Variants in LRRFIP2 observed in about 807,000 individuals in gnomAD.
LRRFIP2 encodes the protein leucine-rich repeat flightless-interacting protein 2.
A neutral mutation model predicts 125.9 loss-of-function variants in LRRFIP2; 109 were observed. That is an observed-to-expected ratio of 0.87 (90% CI 0.74 to 1.01). LRRFIP2 has a LOEUF of 1.01. Among genes scored for constraint, LRRFIP2 ranks in the 50% least tolerant of loss-of-function variants. LRRFIP2 has a pLI of 0.00. For synonymous variants in LRRFIP2, 291 were observed against 293.1 expected (o/e 0.99, Z 0.07); for missense variants, 850 against 862.3 (o/e 0.99, Z 0.18).
At chr3:37,152,828 A>G (rs566604162) in intron 1 of LRRFIP2, among the ~76,000 whole-genome samples, 1 of 152,366 alleles carries the variant, frequency 6.6e-6, no homozygotes, top group Non-Finnish European at 1.5e-5. Flanking sequence ...GTTCCTTTTC[A>G]GACTAGATTG....
Position 37,112,974 on chromosome 3 carries a change from A to G in LRRFIP2, c.379T>C (p.Ser127Pro). ...RSSRLSSLNH[S>P]YSHSHGMKKR... is the part of the protein sequence containing the mutation. ...TTCATTCCATGAGAGTGACTGTAAG[A>G]ATGATTCTGGAAGTAAATATTCCAA... The change falls in exon 8 of 28, where the codon TCT (serine) becomes CCT (proline). Residue 127 changes from serine to proline, a missense_variant. By Grantham distance (74) the Ser-to-Pro change is moderately conservative (BLOSUM62 -1). Transcript: ENST00000336686. 6.4e-7 allele frequency: 1 copy of G among 1,569,320 alleles called. No individual in the cohort carries two copies. Among genetic ancestry groups the G allele is most frequent in the Non-Finnish European group, 8.7e-7 (1 of 1,145,760 alleles).
Position 37,054,484 on chromosome 3 carries a change from T to C in LRRFIP2, c.1982A>G (p.Tyr661Cys). The change falls in exon 27 of 28, where the codon TAT becomes TGT. Residue 661 changes from tyrosine to cysteine, a missense_variant. Coordinates refer to ENST00000336686, the MANE Select transcript of LRRFIP2 (RefSeq NM_006309.4). ...ISRLEGQVLRYKTAAENAEKV... is the reference protein window; with the variant it reads ...ISRLEGQVLRCKTAAENAEKV... ...CTCAGCATTCTCAGCAGCAGTTTTA[T>C]ATCTCAGAACCTGTCCCTCAAGCCG... 1.2e-6 allele frequency: 2 copies of C among 1,614,090 alleles called. No individual in the cohort carries two copies. The highest frequency in any genetic ancestry group is 1.7e-6 in the Non-Finnish European group (2 of 1,179,974).
intron 9 of LRRFIP2, among the ~76,000 whole-genome samples, chr3:37,110,556 T>C (rs549679318): frequency 2.0e-5 from 3 of 152,340 alleles, no homozygotes; most frequent in South Asian, 2.1e-4. Flanking sequence ...CATTTTTATA[T>C]GTAAGCTTTT....
intron 3 of LRRFIP2, among the ~76,000 whole-genome samples, chr3:37,128,842 A>G (rs1056074055): frequency 5.3e-5 from 8 of 152,236 alleles, no homozygotes; most frequent in African/African-American, 1.4e-4. Context: ...CTAGTAACTT[A>G]TAACAATGGA....
chr3:37,064,310 G>C (rs1009401967), intron 23 of LRRFIP2: 11 of 155,010 alleles, frequency 7.1e-5, no homozygotes, highest in African/African-American at 2.4e-4. Context: ...TGGGCAGCCA[G>C]GCCAGGTGTG....
At chr3:37,083,452 A>AT (rs1559759977) in intron 19 of LRRFIP2, among the ~76,000 whole-genome samples, 184 bp downstream of exon 19, 1 of 152,126 alleles carries the variant, frequency 6.6e-6, no homozygotes, top group African/African-American at 2.4e-5. Context: ...TCAAGAAAAT[A>AT]TTTTTTTAAA....
At chr3:37,173,010 G>A (rs984051204) in intron 1 of LRRFIP2, 1 of 152,198 alleles carries the variant, frequency 6.6e-6, no homozygotes, top group African/African-American at 2.4e-5. Flanking sequence ...GGCTAACAGG[G>A]TGAAACCCCG....
chr3:37,134,417 G>A (rs989293083), intron 2 of LRRFIP2, among the ~76,000 whole-genome samples: 1 of 152,168 alleles, frequency 6.6e-6, no homozygotes, highest in Non-Finnish European at 1.5e-5. Flanking sequence ...TGTGGATTTG[G>A]GGGTGGAACC....
chr3:37,097,954 C>T (rs1369771894), intron 15 of LRRFIP2, among the ~76,000 whole-genome samples: 1 of 152,284 alleles, frequency 6.6e-6, no homozygotes, highest in South Asian at 2.1e-4. Context: ...ACCTTCTAGA[C>T]CCAATCTAGA....
Position 37,054,421 on chromosome 3 carries a change from A to C in LRRFIP2, c.2045T>G (p.Leu682Arg), listed in dbSNP as rs776856655. The change falls in exon 27 of 28, where the codon CTA becomes CGA. Residue 682 changes from leucine (L) to arginine (R), a missense_variant. Physicochemically the swap from Leu to Arg is moderately radical, Grantham distance 102 (BLOSUM62 -2). Coordinates refer to ENST00000336686, the MANE Select transcript of LRRFIP2 (RefSeq NM_006309.4). Reference protein sequence around the residue: ...EDELKAEKRKLQRELRTALDK... With the variant: ...EDELKAEKRKRQRELRTALDK... ...TATTAAAAGAAGTACCTCTCGTTGT[A>C]GCTTCCGTTTTTCTGCTTTCAATTC... 1 of 1,612,936 alleles carries C rather than the reference A, an allele frequency of 6.2e-7. No individual in the cohort carries two copies. The highest frequency in any genetic ancestry group is 1.1e-5 in the South Asian group (1 of 91,026).
chr3:37,156,826 T>C (rs956151885), intron 1 of LRRFIP2, among the ~76,000 whole-genome samples: 21 of 150,816 alleles, frequency 1.4e-4, no homozygotes, highest in Non-Finnish European at 2.8e-4. Context: ...AGTAGTTACA[T>C]ACACATTAAA....
intron 2 of LRRFIP2, among the ~76,000 whole-genome samples, chr3:37,137,281 T>C (rs2149810944): frequency 6.6e-6 from 1 of 152,180 alleles, no homozygotes; most frequent in Non-Finnish European, 1.5e-5. Flanking sequence ...CCTGGCCTTA[T>C]TTTCTTTTCT....
rs539502108 is a variant in LRRFIP2 at position 37,065,790 on chromosome 3, C to T, written c.1699+20G>A. 27 of 1,614,106 alleles carry T rather than the reference C, an allele frequency of 1.7e-5. No homozygotes were observed. The African/African-American group carries it at 2.7e-4, about 16-fold the overall frequency. ...ATAGGGTAACATTAATCCAAGTCAA[C>T]ATAGCAACCAGTATCTTACCTAATG... On this transcript the variant is annotated intron_variant, in intron 23 of 27. Coordinates refer to ENST00000336686, the MANE Select transcript of LRRFIP2 (RefSeq NM_006309.4).
In LRRFIP2 at chr3:37,148,938, G is replaced by C. The variant is rs771140012; in HGVS notation, c.46C>G (p.Arg16Gly). The C allele has an allele frequency of 1.2e-6, 2 of 1,613,860 alleles. No homozygotes were observed. Among genetic ancestry groups the C allele is most frequent in the African/African-American group, 2.7e-5 (2 of 74,902 alleles). The change falls in exon 2 of 28, where the codon CGA becomes GGA. Residue 16 changes from arginine (R) to glycine (G), a missense_variant. Arg to Gly is a moderately radical substitution (Grantham distance 125). Transcript: ENST00000336686. The part of the protein sequence containing the change: ...SGRKRTPVKD[R>G]FSAEDEALSN... ...AAAGCTTCATCTTCTGCAGAAAATC[G>C]GTCTTTCACAGGTGTTCTTTTCCTT...
intron 18 of LRRFIP2, among the ~76,000 whole-genome samples, chr3:37,086,553 A>G (rs950284392): frequency 6.6e-6 from 1 of 152,198 alleles, no homozygotes; most frequent in African/African-American, 2.4e-5. Flanking sequence ...TTAAAAAAAG[A>G]CTGACAGATA....
rs138513172 is a variant in LRRFIP2, at chr3:37,058,508, T to C, written c.1870+282A>G. On this transcript the variant is annotated intron_variant, in intron 25 of 27. Transcript: ENST00000336686. ...GGTAACTATGGTGAAACTCTGTCTCTGCTAAAAACATAAAAAACTAGCCGG... is the reference window on the plus strand; with the variant it reads ...GGTAACTATGGTGAAACTCTGTCTCCGCTAAAAACATAAAAAACTAGCCGG... Among the ~76,000 whole-genome samples the C allele has an allele frequency of 2.8e-3, 423 of 152,132 alleles. 3 individuals carry two copies. Among genetic ancestry groups the C allele is most frequent in the African/African-American group, 9.8e-3 (406 of 41,506 alleles).
Position 37,060,466 on chromosome 3 carries a change from G to A in LRRFIP2, c.1750-1556C>T, listed in dbSNP as rs540995847. Reference sequence around the variant, plus strand: ...TGGGATTCCAGGTGCATGCCACCACGTCCAATTTTTGTATTTTTAGTAGAT... The same window carrying A: ...TGGGATTCCAGGTGCATGCCACCACATCCAATTTTTGTATTTTTAGTAGAT... On this transcript the variant is annotated intron_variant, in intron 24 of 27. Coordinates refer to ENST00000336686, the MANE Select transcript of LRRFIP2 (RefSeq NM_006309.4). The surrounding 1 kb of genome is among the most constrained non-coding windows in gnomAD (Gnocchi z 4.1). 6.6e-6 allele frequency among the ~76,000 whole-genome samples: 1 copy of A among 151,918 alleles called. No individual in the cohort carries two copies. The highest frequency in any genetic ancestry group is 1.5e-5 in the Non-Finnish European group (1 of 67,974).
At chr3:37,151,062 TA>T (rs1442018661) in intron 1 of LRRFIP2, among the ~76,000 whole-genome samples, 2 of 152,164 alleles carry the variant, frequency 1.3e-5, no homozygotes, top group Non-Finnish European at 2.9e-5. Context: ...AGAACTCATT[TA>T]AAAATGGAAA....
intron 19 of LRRFIP2, among the ~76,000 whole-genome samples, chr3:37,076,509 G>A (rs879261459): frequency 2.1e-4 from 31 of 150,418 alleles, no homozygotes; most frequent in East Asian, 4.0e-4. Context: ...GCCTGACGAC[G>A]GAGTGAGACT....
Sources: allele counts gnomAD v4.1 joint callset (sites outside exome capture counted in the v4.1 genomes callset), GRCh38; gene constraint gnomAD v4.1.1; non-coding constraint Gnocchi (gnomAD v3.1); transcripts MANE v1.5; gene names NCBI Gene and HGNC (gene_info 2026-07-23, HGNC 2026-07-21).